The following FRMD4A variants were observed in gnomAD, a reference collection of about 807,000 sequenced individuals.
FRMD4A encodes the protein FERM domain containing 4A, also known as FERM domain-containing protein 4A.
Under a neutral mutation model 129.1 loss-of-function variants are expected in FRMD4A, and 29 were observed. The ratio of observed to expected loss-of-function variants is 0.22; its 90% CI spans 0.17 to 0.31. FRMD4A has a LOEUF of 0.31. Among genes scored for constraint, FRMD4A ranks in the 10% least tolerant of loss-of-function variants. The probability of loss-of-function intolerance (pLI) is 1.00; values close to 1 mark genes in which losing one functional copy is unlikely to be tolerated. For synonymous variants in FRMD4A, 634 were observed against 571.6 expected (o/e 1.11, Z -1.56); for missense variants, 1,272 against 1,375.8 (o/e 0.92, Z 1.19).
intron 2 of FRMD4A, among the ~76,000 whole-genome samples, chr10:14,185,510 T>C (rs888395460): frequency 6.6e-6 from 1 of 152,164 alleles, no homozygotes; most frequent in African/African-American, 2.4e-5. Flanking sequence ...CAAGTATTTT[T>C]TGGAGGTTTG....
At chr10:13,963,418 C>T (rs866392553) in intron 2 of FRMD4A, among the ~76,000 whole-genome samples, 16 of 151,834 alleles carry the variant, frequency 1.1e-4, no homozygotes, top group African/African-American at 3.4e-4. Context: ...AGGGGAACAG[C>T]AAAAATAGCA....
chr10:14,270,093 C>T (rs961837645), intron 2 of FRMD4A, among the ~76,000 whole-genome samples: 12 of 152,160 alleles, frequency 7.9e-5, no homozygotes, highest in Non-Finnish European at 1.5e-4. Flanking sequence ...AACCAGTGGC[C>T]CCCCAGGCTT....
intron 2 of FRMD4A, among the ~76,000 whole-genome samples, chr10:13,964,802 C>T (rs188619552): frequency 6.6e-6 from 1 of 152,058 alleles, no homozygotes; most frequent in Admixed American, 6.6e-5. Context: ...GATTCTCCTG[C>T]CTCAGCCTCC....
intron 2 of FRMD4A, among the ~76,000 whole-genome samples, chr10:14,177,524 A>C (rs1841774338): frequency 6.6e-6 from 1 of 152,100 alleles, no homozygotes; most frequent in Non-Finnish European, 1.5e-5. Flanking sequence ...AAAAAAATAT[A>C]TCTCTGGTAC....
At chr10:13,744,655 C>G (rs946104756) in intron 9 of FRMD4A, 1 of 152,160 alleles carries the variant, frequency 6.6e-6, no homozygotes, top group African/African-American at 2.4e-5. Context: ...ATCCAATGTG[C>G]GAACTCCAGC....
chr10:13,932,385 A>G (rs757322046), intron 2 of FRMD4A, among the ~76,000 whole-genome samples: 1 of 152,118 alleles, frequency 6.6e-6, no homozygotes, highest in Non-Finnish European at 1.5e-5. Flanking sequence ...CAGTGTCTAG[A>G]GTCTTCATCT....
At chr10:14,325,909 C>G (rs1843254885) in intron 2 of FRMD4A, among the ~76,000 whole-genome samples, 1 of 152,168 alleles carries the variant, frequency 6.6e-6, no homozygotes, top group Admixed American at 6.5e-5. Flanking sequence ...GCCCAGAAAT[C>G]TGAAATCAAA....
intron 15 of FRMD4A, among the ~76,000 whole-genome samples, chr10:13,677,369 T>C (rs1379785487): frequency 6.6e-6 from 1 of 152,266 alleles, no homozygotes; most frequent in Admixed American, 6.5e-5. Context: ...ACTTGGATGC[T>C]ATAATTATCT....
At chr10:14,107,881 T>C (rs375071983) in intron 2 of FRMD4A, among the ~76,000 whole-genome samples, 31 of 152,358 alleles carry the variant, frequency 2.0e-4, no homozygotes, top group African/African-American at 7.0e-4. Flanking sequence ...AGGTTGCTTT[T>C]CTTTTGCTAT....
At chr10:13,946,432 G>T (rs2095332229) in intron 2 of FRMD4A, among the ~76,000 whole-genome samples, 1 of 152,140 alleles carries the variant, frequency 6.6e-6, no homozygotes, top group African/African-American at 2.4e-5. Flanking sequence ...AATTCTAGGT[G>T]CTCCTATGTC....
intron 2 of FRMD4A, among the ~76,000 whole-genome samples, chr10:14,244,441 C>A (rs749592668): frequency 6.6e-6 from 1 of 152,166 alleles, no homozygotes; most frequent in Non-Finnish European, 1.5e-5. Context: ...GCAATCTATG[C>A]GGATTACATT....
In FRMD4A at chr10:14,319,349, C is replaced by CCTCTCTCTCTCTCTCT. The variant is rs10645584; in HGVS notation, c.45+10693_45+10708dup. Among the ~76,000 whole-genome samples the CCTCTCTCTCTCTCTCT allele has an allele frequency of 4.1e-4, 57 of 137,372 alleles. 1 individual carries two copies. The highest frequency in any genetic ancestry group is 3.8e-3 in the Middle Eastern group (1 of 266). 90.1% of individuals were successfully genotyped at this position (137,372 alleles called of 152,430 possible). A position where few individuals can be genotyped will look rare whatever the true frequency, so the allele number is the denominator to read the frequency against. ...CAGTAGTAACTGAATATCTCTCTCT[C>CCTCTCTCTCTCTCTCT]CTCTCTCTCTCTCTCTCTCACACAC... On this transcript the variant is annotated intron_variant, in intron 2 of 24. Transcript: ENST00000357447.
chr10:13,754,939 T>C (rs1354388740), intron 8 of FRMD4A, among the ~76,000 whole-genome samples: 2 of 152,168 alleles, frequency 1.3e-5, no homozygotes, highest in African/African-American at 4.8e-5. Context: ...ATGCCCCAAA[T>C]GATCTAATAA....
intron 15 of FRMD4A, among the ~76,000 whole-genome samples, chr10:13,680,274 T>C (rs564242591): frequency 5.9e-5 from 9 of 151,722 alleles, no homozygotes; most frequent in African/African-American, 2.2e-4. Flanking sequence ...CTGGGCAACA[T>C]GGTGAGACTC....
chr10:14,197,970 T>C (rs897778504), intron 2 of FRMD4A, among the ~76,000 whole-genome samples: 3 of 152,224 alleles, frequency 2.0e-5, no homozygotes, highest in Non-Finnish European at 2.9e-5. Flanking sequence ...GCTCTGGCTC[T>C]TTGGTGAGCT....
chr10:14,118,397 C>A (rs1286014392), intron 2 of FRMD4A, among the ~76,000 whole-genome samples: 2 of 152,184 alleles, frequency 1.3e-5, no homozygotes, highest in African/African-American at 4.8e-5. Context: ...ACTTCAGTCA[C>A]TGGCCAAATA....
chr10:13,953,760 A>G (rs994967221), intron 2 of FRMD4A, among the ~76,000 whole-genome samples: 2 of 152,228 alleles, frequency 1.3e-5, no homozygotes, highest in Non-Finnish European at 2.9e-5. Flanking sequence ...CCTAATTTAT[A>G]AATGAAACTT....
intron 12 of FRMD4A, chr10:13,710,389 G>T (rs1247254618): frequency 6.6e-6 from 1 of 152,234 alleles, no homozygotes; most frequent in Non-Finnish European, 1.5e-5. Context: ...GTTCAGCGTG[G>T]AGAACTGCGC....
At chr10:14,118,149 C>T (rs1195169477) in intron 2 of FRMD4A, among the ~76,000 whole-genome samples, 1 of 152,146 alleles carries the variant, frequency 6.6e-6, no homozygotes, top group East Asian at 1.9e-4. Flanking sequence ...ATGAGTTTGA[C>T]CAAACACCTA....
Sources: gnomAD v4.1 joint callset for allele counts (sites outside exome capture counted in the v4.1 genomes callset) on GRCh38, gnomAD v4.1.1 for gene constraint, MANE v1.5 for transcripts, NCBI Gene and HGNC (gene_info 2026-07-23, HGNC 2026-07-21) for gene names.